The following MAD1L1 variants were observed in gnomAD, a reference collection of about 807,000 sequenced individuals.
MAD1L1 encodes mitotic arrest deficient 1 like 1.
In MAD1L1, 95 loss-of-function variants were observed where a neutral mutation model predicts 96.9. The ratio of observed to expected loss-of-function variants is 0.98; its 90% CI spans 0.83 to 1.16. The LOEUF is 1.16. Among genes scored for constraint, MAD1L1 ranks in the 50% most tolerant of loss-of-function variants. The pLI is 0.00. For synonymous variants in MAD1L1, 473 were observed against 396.6 expected, an observed-to-expected ratio of 1.19 and a Z score of -2.29; for missense variants, 1,007 against 954.4, an observed-to-expected ratio of 1.06 and a Z score of -0.73.
chr7:1,845,383 C>T (rs1046633457), intron 18 of MAD1L1: 3 of 152,328 alleles, frequency 2.0e-5, no homozygotes, highest in Non-Finnish European at 4.4e-5. Context: ...GGGACTCAAA[C>T]CACAAACAGC....
intron 12 of MAD1L1, among the ~76,000 whole-genome samples, chr7:2,064,685 T>TATGGCAGCTTCTCCCAGGAGG (rs1784804124): frequency 7.1e-6 from 1 of 139,862 alleles, no homozygotes; most frequent in South Asian, 2.3e-4. Context: ...CTCCCAGGAA[T>TATGGCAGCTTCTCCCAGGAGG]ATGGCAGCTT....
chr7:2,154,313 AG>A (rs1347128692), intron 10 of MAD1L1, among the ~76,000 whole-genome samples: 2 of 152,246 alleles, frequency 1.3e-5, no homozygotes, highest in East Asian at 3.8e-4. Flanking sequence ...GTAGAATGAC[AG>A]GAACTAGTGG....
chr7:2,015,545 G>A (rs1183357525), intron 12 of MAD1L1, among the ~76,000 whole-genome samples: 3 of 152,244 alleles, frequency 2.0e-5, no homozygotes, highest in African/African-American at 4.8e-5. Context: ...CAAAAAGGAC[G>A]TGCTGCTGCG....
At chr7:1,841,418 T>C (rs1042132258) in intron 18 of MAD1L1, among the ~76,000 whole-genome samples, 21 of 152,230 alleles carry the variant, frequency 1.4e-4, no homozygotes, top group Admixed American at 9.2e-4. Flanking sequence ...TTATACCAAG[T>C]TGAGCGGCCT....
intron 11 of MAD1L1, among the ~76,000 whole-genome samples, chr7:2,116,355 A>G (rs946517502): frequency 2.0e-5 from 3 of 152,250 alleles, no homozygotes; most frequent in African/African-American, 7.2e-5. Flanking sequence ...GGCTGCACAC[A>G]GCAGGTGTTG....
chr7:2,068,550 C>T (rs887768050), intron 12 of MAD1L1, among the ~76,000 whole-genome samples: 1 of 152,222 alleles, frequency 6.6e-6, no homozygotes, highest in Admixed American at 6.5e-5. Context: ...GGGGAGTCTC[C>T]GCCCAGCAAA....
intron 10 of MAD1L1, among the ~76,000 whole-genome samples, chr7:2,165,501 G>C (rs1790381608): frequency 6.6e-6 from 1 of 152,182 alleles, no homozygotes; most frequent in African/African-American, 2.4e-5. Flanking sequence ...GGATGCTGCT[G>C]CCTGCCGCAC....
chr7:2,143,110 T>C (rs1789123975), intron 11 of MAD1L1, among the ~76,000 whole-genome samples: 1 of 151,984 alleles, frequency 6.6e-6, no homozygotes, highest in Non-Finnish European at 1.5e-5. Flanking sequence ...GCTAAAAACC[T>C]GCACCCTGAG....
intron 17 of MAD1L1, among the ~76,000 whole-genome samples, chr7:1,929,455 G>A (rs1440025013): frequency 6.6e-6 from 1 of 152,160 alleles, no homozygotes; most frequent in Non-Finnish European, 1.5e-5. Flanking sequence ...CGGGCTTTGG[G>A]GCTCCTATCC....
chr7:2,109,020 C>CAA (rs1456627641), intron 11 of MAD1L1, among the ~76,000 whole-genome samples: 2 of 152,252 alleles, frequency 1.3e-5, no homozygotes, highest in East Asian at 3.8e-4. Flanking sequence ...CCATTCCAGA[C>CAA]GCCTCCCTGT....
chr7:1,956,810 TC>T (rs1477898593), intron 16 of MAD1L1, among the ~76,000 whole-genome samples: 1 of 152,150 alleles, frequency 6.6e-6, no homozygotes, highest in East Asian at 1.9e-4. Context: ...CCCACACCCC[TC>T]ACCTCATTCA....
At chr7:2,175,448 G>A (rs1790900535) in intron 10 of MAD1L1, 1 of 139,674 alleles carries the variant, frequency 7.2e-6, no homozygotes, top group African/African-American at 2.8e-5. Context: ...TTCTGAAATA[G>A]GAATGCTATG....
At chr7:1,869,056 G>T (rs924083534) in intron 18 of MAD1L1, among the ~76,000 whole-genome samples, 1 of 152,172 alleles carries the variant, frequency 6.6e-6, no homozygotes, top group African/African-American at 2.4e-5. Flanking sequence ...GAATGGCACC[G>T]ACGCAACTGG....
intron 18 of MAD1L1, among the ~76,000 whole-genome samples, chr7:1,835,069 C>T (rs1782879037): frequency 6.6e-6 from 1 of 151,198 alleles, no homozygotes; most frequent in Non-Finnish European, 1.5e-5. Flanking sequence ...ATATGATCAA[C>T]TCAATAAATG....
chr7:1,878,893 C>G (rs760650240), intron 18 of MAD1L1, among the ~76,000 whole-genome samples: 32 of 152,074 alleles, frequency 2.1e-4, no homozygotes, highest in Non-Finnish European at 4.1e-4. Flanking sequence ...GAAGAAACTA[C>G]AAAAACTTTC....
At chr7:2,072,056 G>A (rs1454196587) in intron 11 of MAD1L1, among the ~76,000 whole-genome samples, 1 of 152,254 alleles carries the variant, frequency 6.6e-6, no homozygotes, top group African/African-American at 2.4e-5. Context: ...TCAAACCCAA[G>A]GGGAATCCCA....
chr7:2,198,832 C>T (rs1380356894), intron 10 of MAD1L1, among the ~76,000 whole-genome samples: 1 of 152,200 alleles, frequency 6.6e-6, no homozygotes, highest in Non-Finnish European at 1.5e-5. Flanking sequence ...CAAGGATGGG[C>T]AAGGAACCAG....
chr7:1,885,507 C>T (rs776200996), intron 18 of MAD1L1, among the ~76,000 whole-genome samples: 19 of 152,068 alleles, frequency 1.2e-4, no homozygotes, highest in African/African-American at 3.4e-4. Flanking sequence ...CACAGGGGTG[C>T]GGTCGGAAGG....
intron 12 of MAD1L1, among the ~76,000 whole-genome samples, chr7:2,036,544 T>C (rs1783445378): frequency 6.6e-6 from 1 of 152,162 alleles, no homozygotes; most frequent in Non-Finnish European, 1.5e-5. Context: ...AAGGCCAATA[T>C]ATCAAAATTA....
Sources: allele counts gnomAD v4.1 joint callset (sites outside exome capture counted in the v4.1 genomes callset), GRCh38; gene constraint gnomAD v4.1.1; transcripts MANE v1.5; gene names NCBI Gene and HGNC (gene_info 2026-07-23, HGNC 2026-07-21).